Variants in HIVEP1 observed in about 807,000 individuals in gnomAD.
HIVEP1 encodes zinc finger protein 40.
Under a neutral mutation model 180.0 loss-of-function variants are expected in HIVEP1, and 36 were observed. The ratio of observed to expected loss-of-function variants is 0.20; its 90% CI spans 0.15 to 0.26. The LOEUF (loss-of-function observed/expected upper bound fraction) is 0.26. HIVEP1 is among the 10% of genes least tolerant of loss of function. The pLI, the probability that HIVEP1 is intolerant of heterozygous loss-of-function variation, is 1.00. For missense variants in HIVEP1, 3,143 were observed against 3,268.7 expected (o/e 0.96, Z 0.94); for synonymous variants, 1,239 against 1,239.0 (o/e 1.00, Z 0.00).
chr6:12,100,179 T>C (rs1211844188), intron 3 of HIVEP1, among the ~76,000 whole-genome samples: 1 of 152,174 alleles, frequency 6.6e-6, no homozygotes, highest in Admixed American at 6.5e-5. Context: ...AGTTCACATT[T>C]CCCTGTTCTG....
intron 6 of HIVEP1, among the ~76,000 whole-genome samples, chr6:12,131,322 A>T (rs1309683777): frequency 3.3e-5 from 5 of 152,006 alleles, no homozygotes; most frequent in Admixed American, 1.3e-4. Context: ...GGGTGCTAAA[A>T]GATTGAAGAA....
At chr6:12,062,808 C>G (rs916245397) in intron 2 of HIVEP1, among the ~76,000 whole-genome samples, 1 of 152,140 alleles carries the variant, frequency 6.6e-6, no homozygotes, top group African/African-American at 2.4e-5. Flanking sequence ...GTTTCTAACA[C>G]CCACACGTTA....
chr6:12,124,036 G>A lies in HIVEP1; in HGVS notation c.4241G>A (p.Gly1414Glu), dbSNP rs753130279. 1 of 1,614,096 alleles carries A rather than the reference G, an allele frequency of 6.2e-7. No homozygotes were observed. Among genetic ancestry groups the A allele is most frequent in the East Asian group, 2.2e-5 (1 of 44,894 alleles). The change falls in exon 4 of 9, where the codon GGA becomes GAA. Residue 1414 changes from glycine to glutamate, a missense_variant. Around this residue, in one of 12 missense-constraint regions of HIVEP1, gnomAD observed 1,357 missense variants for 1,260.5 expected, o/e 1.08. Transcript: ENST00000379388. ...CCTCCATCTTCACCTTCTCGAGTGG[G>A]AGTGACTGGGCATGTGCCTCTCTTA... ...LQPPSSPSRV[G>E]VTGHVPLLER...
At chr6:12,209,982 T>C in the HIVEP1 span, among the ~76,000 whole-genome samples, 1 of 151,940 alleles carries the variant, frequency 6.6e-6, no homozygotes, top group East Asian at 1.9e-4. Flanking sequence ...CCGGGTGTAG[T>C]GGTGGGCGCT....
intron 7 of HIVEP1, among the ~76,000 whole-genome samples, chr6:12,158,521 G>T (rs191643079): frequency 6.6e-6 from 1 of 152,270 alleles, no homozygotes; most frequent in Admixed American, 6.5e-5. Context: ...TACCTGTAAT[G>T]CTAAGCTCCT....
intron 2 of HIVEP1, among the ~76,000 whole-genome samples, chr6:12,024,714 T>G (rs1224861329): frequency 2.0e-5 from 3 of 152,216 alleles, no homozygotes; most frequent in African/African-American, 7.2e-5. Context: ...GGGTGGTATT[T>G]GATAGTTTAA....
In HIVEP1 at chr6:12,130,181, C is replaced by G. The variant is rs973318083; in HGVS notation, c.6209+289C>G. Reference sequence around the variant, plus strand: ...ACATTGATTTACAGTAAGGAATGACCTAGAGAATCTGCTCTCAGATGAATT... The same window carrying G: ...ACATTGATTTACAGTAAGGAATGACGTAGAGAATCTGCTCTCAGATGAATT... On this transcript the variant is annotated intron_variant, in intron 5 of 8. Transcript: ENST00000379388. 2.0e-5 allele frequency among the ~76,000 whole-genome samples: 3 copies of G among 152,124 alleles called. No homozygotes were observed. The East Asian group carries it at 5.8e-4, about 29-fold the overall frequency.
downstream of HIVEP1, among the ~76,000 whole-genome samples, chr6:12,169,908 C>T (rs964157524): frequency 2.6e-5 from 4 of 152,032 alleles, no homozygotes; most frequent in African/African-American, 9.7e-5. Flanking sequence ...ATCATGAGGT[C>T]AGGAGATAGA....
chr6:12,038,794 G>C (rs1362743945), intron 2 of HIVEP1: 2 of 152,180 alleles, frequency 1.3e-5, no homozygotes, highest in African/African-American at 4.8e-5. Flanking sequence ...CTAAAGCCAG[G>C]AAGGGAGTAA....
intron 3 of HIVEP1, 125 bp downstream of exon 3, chr6:12,089,362 A>C: frequency 1.9e-6 from 1 of 517,688 alleles, no homozygotes; most frequent in Non-Finnish European, 3.5e-6. Flanking sequence ...ATCCCCTTGA[A>C]CTTATTGATA....
At chr6:12,117,381 A>G (rs1775282558) in intron 3 of HIVEP1, among the ~76,000 whole-genome samples, 1 of 152,346 alleles carries the variant, frequency 6.6e-6, no homozygotes, top group East Asian at 1.9e-4. Context: ...CAAAAGTTCC[A>G]TTTAACATAT....
At chr6:12,056,186 T>C (rs570327138) in intron 2 of HIVEP1, among the ~76,000 whole-genome samples, 1 of 152,242 alleles carries the variant, frequency 6.6e-6, no homozygotes, top group South Asian at 2.1e-4. Context: ...TAAATGTCTT[T>C]GGGATTTATT....
At chr6:12,177,102 G>A in the HIVEP1 span, among the ~76,000 whole-genome samples, 21 of 152,190 alleles carry the variant, frequency 1.4e-4, no homozygotes, top group Non-Finnish European at 2.8e-4. Context: ...TTATAAGTGG[G>A]AGCTAAATGA....
At position 12,028,365 on chromosome 6, in the gene HIVEP1, A is replaced by G. The variant is rs116148692; in HGVS notation, c.40+12697A>G. 1.0e-2 allele frequency among the ~76,000 whole-genome samples: 1,520 copies of G among 152,340 alleles called. 14 individuals are homozygous for G. The highest frequency in any genetic ancestry group is 0.035 in the African/African-American group (1,441 of 41,564). On this transcript the variant is annotated intron_variant, in intron 2 of 8. Transcript: ENST00000379388. The stretch of plus-strand genomic sequence containing the variant: ...AAAGGCCATAATGGCTTCACGTGAA[A>G]GTCTAGACAGCTGTATGAATATTTG...
At chr6:12,023,022 G>C (rs901201162) in intron 2 of HIVEP1, among the ~76,000 whole-genome samples, 11 of 152,112 alleles carry the variant, frequency 7.2e-5, no homozygotes, top group African/African-American at 2.7e-4. Flanking sequence ...AGATTCTGAG[G>C]GCTTCTGTTT....
At chr6:12,085,177 A>AT (rs1262491233) in intron 2 of HIVEP1, among the ~76,000 whole-genome samples, 19 of 152,240 alleles carry the variant, frequency 1.2e-4, no homozygotes, top group Middle Eastern at 3.4e-3. Flanking sequence ...ATGCAGCTCT[A>AT]GAGAAACAGG....
chr6:12,134,433 C>T (rs1229855206), intron 6 of HIVEP1, among the ~76,000 whole-genome samples: 1 of 152,134 alleles, frequency 6.6e-6, no homozygotes, highest in African/African-American at 2.4e-5. Flanking sequence ...GTGCAAGAAT[C>T]AGCTTGTACA....
At chr6:12,018,885 A>G (rs957052036) in intron 2 of HIVEP1, among the ~76,000 whole-genome samples, 10 of 152,324 alleles carry the variant, frequency 6.6e-5, no homozygotes, top group African/African-American at 2.4e-4. Flanking sequence ...ATCAGGAGGA[A>G]TCAGATCAGG....
At chr6:12,197,379 GA>G in the HIVEP1 span, among the ~76,000 whole-genome samples, 1 of 151,890 alleles carries the variant, frequency 6.6e-6, no homozygotes, top group Non-Finnish European at 1.5e-5. Flanking sequence ...CTAACATGGC[GA>G]AACCCCGTCT....
Sources: gnomAD v4.1 joint callset for allele counts (sites outside exome capture counted in the v4.1 genomes callset) on GRCh38, gnomAD v4.1.1 for gene constraint, gnomAD v4.1.1 regional missense constraint, MANE v1.5 for transcripts, NCBI Gene and HGNC (gene_info 2026-07-23, HGNC 2026-07-21) for gene names.